Variants in ATL2 observed in about 807,000 individuals in gnomAD.
The protein encoded by ATL2 is atlastin GTPase 2, also known as atlastin-2.
In ATL2, 31 loss-of-function variants were observed where a neutral mutation model predicts 73.9. The observed-to-expected ratio is 0.42, with a 90% CI of 0.32 to 0.57. ATL2 has a LOEUF of 0.57. Ranked by LOEUF, ATL2 falls within the 20% of genes least tolerant of loss-of-function variation. The pLI, the probability that ATL2 is intolerant of heterozygous loss-of-function variation, is 0.14. For synonymous variants in ATL2, 291 were observed against 237.5 expected (o/e 1.23, Z -2.07); for missense variants, 738 against 702.6 (o/e 1.05, Z -0.57).
intron 2 of ATL2, among the ~76,000 whole-genome samples, chr2:38,328,409 T>C (rs749857020): frequency 2.6e-5 from 4 of 152,184 alleles, no homozygotes; most frequent in Admixed American, 1.3e-4. Flanking sequence ...TTCACCAAGG[T>C]AGACCATATC....
intron 1 of ATL2, among the ~76,000 whole-genome samples, chr2:38,366,096 TGA>T (rs1491495031): frequency 5.5e-5 from 8 of 144,672 alleles, no homozygotes; most frequent in African/African-American, 2.0e-4. Flanking sequence ...GTGACTAATT[TGA>T]AAAAAAAAAA....
chr2:38,307,357 CT>C (rs548993472), intron 9 of ATL2, among the ~76,000 whole-genome samples: 43 of 146,000 alleles, frequency 2.9e-4, no homozygotes, highest in Non-Finnish European at 3.0e-4. Flanking sequence ...GTTTTCTTTT[CT>C]TTTTTTTTTT....
intron 12 of ATL2, among the ~76,000 whole-genome samples, chr2:38,297,472 T>G (rs1367521147): frequency 6.6e-6 from 1 of 152,162 alleles, no homozygotes; most frequent in Admixed American, 6.5e-5. Context: ...CGGAGGCAGA[T>G]ACACAAAATG....
chr2:38,300,374 G>A, intron 9 of ATL2, 46 bp from the exon 10 acceptor site: 2 of 1,351,630 alleles, frequency 1.5e-6, no homozygotes, highest in Non-Finnish European at 2.1e-6. Context: ...ATGCAATTTG[G>A]CTCCACATCC....
chr2:38,333,848 T>G (rs1669143162), intron 2 of ATL2, among the ~76,000 whole-genome samples: 1 of 152,176 alleles, frequency 6.6e-6, no homozygotes, highest in South Asian at 2.1e-4. Flanking sequence ...CTCGTTTATT[T>G]CTGATTCCTC....
At chr2:38,320,790 C>A (rs1340352522) in intron 2 of ATL2, among the ~76,000 whole-genome samples, 1 of 151,886 alleles carries the variant, frequency 6.6e-6, no homozygotes, top group Non-Finnish European at 1.5e-5. Context: ...AAGACAGGAC[C>A]AATGAGGGAT....
chr2:38,350,507 T>C (rs1359624455), intron 1 of ATL2, among the ~76,000 whole-genome samples: 1 of 152,182 alleles, frequency 6.6e-6, no homozygotes, highest in Non-Finnish European at 1.5e-5. Context: ...AACTATTCTC[T>C]ATAATACGAA....
At chr2:38,371,511 GAA>G (rs1481137539) in intron 1 of ATL2, among the ~76,000 whole-genome samples, 1 of 150,426 alleles carries the variant, frequency 6.6e-6, no homozygotes, top group African/African-American at 2.4e-5. Context: ...AAAAAACATA[GAA>G]ACAAAACAAA....
chr2:38,344,675 G>C (rs1312935863), intron 1 of ATL2, among the ~76,000 whole-genome samples: 2 of 152,072 alleles, frequency 1.3e-5, no homozygotes, highest in Admixed American at 1.3e-4. Context: ...GGAAAATTAG[G>C]GTTCTAACAA....
chr2:38,337,387 G>A (rs921576505), intron 2 of ATL2, among the ~76,000 whole-genome samples: 1 of 147,814 alleles, frequency 6.8e-6, no homozygotes, highest in African/African-American at 2.5e-5. Flanking sequence ...TTGAGAGGCT[G>A]AGGCAGGAGA....
chr2:38,339,197 C>T (rs1271675851), intron 2 of ATL2, among the ~76,000 whole-genome samples: 1 of 151,674 alleles, frequency 6.6e-6, no homozygotes, highest in African/African-American at 2.4e-5. Flanking sequence ...GCCTGGGCAA[C>T]GAGGGAAACT....
At chr2:38,364,210 C>T (rs764239331) in intron 1 of ATL2, among the ~76,000 whole-genome samples, 11 of 151,768 alleles carry the variant, frequency 7.2e-5, no homozygotes, top group South Asian at 2.1e-4. Flanking sequence ...TGCAGTGAGC[C>T]GAGATTGTAC....
chr2:38,298,440 C>T lies in ATL2; in HGVS notation c.1336G>A (p.Asp446Asn), dbSNP rs376543656. 4 of 1,614,034 alleles carry T rather than the reference C, an allele frequency of 2.5e-6. No individual in the cohort carries two copies. The African/African-American group carries it at 5.3e-5, about 22-fold the overall frequency. ...TCTTCAATTTCAGCTTCAAGCTGGT[C>T]CTGATAACGACGGCAGAACTCATCT... ...GGDEFCRRYQ[D>N]QLEAEIEETY... Residue 446 changes from aspartate (D) to asparagine (N), a missense_variant, in exon 12 of 13, where the codon GAC (aspartate) becomes AAC (asparagine). Transcript: ENST00000378954.
Position 38,335,295 on chromosome 2 carries a change from T to C in ATL2, c.363+7973A>G, listed in dbSNP as rs1443042311. Among the ~76,000 whole-genome samples the C allele has an allele frequency of 2.0e-5, 3 of 150,034 alleles. No individual in the cohort carries two copies. In the East Asian group the frequency reaches 6.5e-4, roughly 33 times the overall value. On this transcript the variant is annotated intron_variant, in intron 2 of 12. Transcript: ENST00000378954. ...TTACATCACAAAGACTTTACAAAAA[T>C]GTTCATTAGCAGTTTTATTCATAAC... is the stretch of plus-strand genomic sequence containing the variant.
intron 1 of ATL2, among the ~76,000 whole-genome samples, chr2:38,357,086 T>G (rs1670710333): frequency 6.6e-6 from 1 of 151,962 alleles, no homozygotes; most frequent in Non-Finnish European, 1.5e-5. Context: ...TCCTAGCACT[T>G]TGGGAGGCCG....
chr2:38,297,666 A>G (rs1014341383), intron 12 of ATL2, among the ~76,000 whole-genome samples: 1 of 152,180 alleles, frequency 6.6e-6, no homozygotes, highest in Non-Finnish European at 1.5e-5. Flanking sequence ...ATTGTTCCTC[A>G]TAGTACATCA....
chr2:38,346,791 G>A (rs1218270879), intron 1 of ATL2, among the ~76,000 whole-genome samples: 3 of 152,332 alleles, frequency 2.0e-5, no homozygotes, highest in Middle Eastern at 3.4e-3. Context: ...CCACGGACGA[G>A]TACCAGTCCA....
At chr2:38,375,959 T>C (rs1035340266) in intron 1 of ATL2, among the ~76,000 whole-genome samples, 3 of 152,230 alleles carry the variant, frequency 2.0e-5, no homozygotes, top group African/African-American at 7.2e-5. Context: ...ATATTTCAAA[T>C]AAACTTTCCT....
chr2:38,325,661 TACAC>T (rs562138786), intron 2 of ATL2, among the ~76,000 whole-genome samples: 1,986 of 41,548 alleles, frequency 0.048, 204 homozygotes, highest in East Asian at 0.11. Flanking sequence ...CACACACCAG[TACAC>T]ACACACACAC....
Sources: allele counts gnomAD v4.1 joint callset (sites outside exome capture counted in the v4.1 genomes callset), GRCh38; gene constraint gnomAD v4.1.1; transcripts MANE v1.5; gene names NCBI Gene and HGNC (gene_info 2026-07-23, HGNC 2026-07-21).